The following SLC45A1 variants were observed in gnomAD, a reference collection of about 807,000 sequenced individuals.
SLC45A1 encodes solute carrier family 45 member 1, also known as proton-associated sugar transporter A.
In SLC45A1, 28 loss-of-function variants were observed where a neutral mutation model predicts 57.6. The observed-to-expected ratio is 0.49, with a 90% CI of 0.36 to 0.67. SLC45A1 has a LOEUF of 0.67. SLC45A1 is among the 30% of genes least tolerant of loss of function. The probability of loss-of-function intolerance (pLI) is 0.00; values close to 1 mark genes in which losing one functional copy is unlikely to be tolerated. For missense variants in SLC45A1, 814 were observed against 1,041.5 expected, an observed-to-expected ratio of 0.78 and a Z score of 3.01; for synonymous variants, 459 against 471.5, an observed-to-expected ratio of 0.97 and a Z score of 0.34.
At chr1:8,338,578 G>A (rs189668669) in intron 7 of SLC45A1, among the ~76,000 whole-genome samples, 22 of 152,270 alleles carry the variant, frequency 1.4e-4, no homozygotes, top group African/African-American at 4.8e-4. Flanking sequence ...TACTTTTTTC[G>A]CAAAAGGCCA....
At chr1:8,320,675 CTGTT>C (rs1262440751) in intron 1 of SLC45A1, among the ~76,000 whole-genome samples, 4 of 125,350 alleles carry the variant, frequency 3.2e-5, no homozygotes, top group African/African-American at 6.0e-5. Flanking sequence ...CTCTCTCTCT[CTGTT>C]TCTCTCTCTC....
In SLC45A1 at chr1:8,330,873, G is replaced by A. The variant is rs937355657; in HGVS notation, c.1380G>A (p.Pro460=). The A allele has an allele frequency of 8.1e-6, 13 of 1,607,070 alleles. No individual in the cohort carries two copies. The highest frequency in any genetic ancestry group is 6.7e-5 in the East Asian group (3 of 44,772). ...ILKRPQTLAI[P]DAAGGGGPET... is the part of the protein sequence containing the mutation. ...AGAGACCTCAGACCTTGGCCATCCC[G>A]GACGCAGCCGGAGGAGGGGGTCCCG... Residue 460 remains proline (P), a synonymous_variant, in exon 5 of 9, where the codon CCG becomes CCA. Transcript: ENST00000471889. This position sits in a 1 kb window ranked among gnomAD's most constrained non-coding sequence, Gnocchi z 8.4.
In SLC45A1 at chr1:8,343,986, G is replaced by A; in HGVS notation, c.2220G>A (p.Glu740=). The A allele has an allele frequency of 6.2e-7, 1 of 1,611,672 alleles. No homozygotes were observed. Among genetic ancestry groups the A allele is most frequent in the Non-Finnish European group, 8.5e-7 (1 of 1,178,478 alleles). Residue 740 remains glutamate, a synonymous_variant, in exon 9 of 9, where the codon GAG becomes GAA. Coordinates refer to ENST00000471889, the MANE Select transcript of SLC45A1 (RefSeq NM_001080397.3). This position sits in a 1 kb window ranked among gnomAD's most constrained non-coding sequence, Gnocchi z 7.7. ...EIPPSDAADE[E]HRPLLLNV ...CTCCCAGCGACGCTGCAGACGAGGAGCACCGGCCCCTCCTGCTGAACGTCT... is the reference window on the plus strand; with the variant it reads ...CTCCCAGCGACGCTGCAGACGAGGAACACCGGCCCCTCCTGCTGAACGTCT...
intron 1 of SLC45A1, among the ~76,000 whole-genome samples, chr1:8,319,706 A>T (rs1639939925): frequency 6.6e-6 from 1 of 151,938 alleles, no homozygotes; most frequent in Non-Finnish European, 1.5e-5. Context: ...TTAAAAATGG[A>T]TTTTTGTTGT....
At position 8,344,024 on chromosome 1, in the gene SLC45A1, C is replaced by A. The variant is rs1189911888; in HGVS notation, c.*11C>A. 1 of 1,599,922 alleles carries A rather than the reference C, an allele frequency of 6.3e-7. No individual in the cohort carries two copies. Among genetic ancestry groups the A allele is most frequent in the South Asian group, 1.1e-5 (1 of 90,058 alleles). On this transcript the variant is annotated 3_prime_UTR_variant, in exon 9 of 9. Coordinates refer to ENST00000471889, the MANE Select transcript of SLC45A1 (RefSeq NM_001080397.3). Reference sequence around the variant, plus strand: ...CTGCTGAACGTCTGACATCGCGGAGCCTCGACTCCGGACACGCGCCTGCAC... The same window carrying A: ...CTGCTGAACGTCTGACATCGCGGAGACTCGACTCCGGACACGCGCCTGCAC...
chr1:8,326,777 G>A lies in SLC45A1; in HGVS notation c.715+735G>A, dbSNP rs750265615. ...GTGGATCACCTGAGGTCGGGAGTTC[G>A]AGACCAGCCTGACCAACATGGAGAA... On this transcript the variant is annotated intron_variant, in intron 4 of 8. Transcript: ENST00000471889. This position sits in a 1 kb window ranked among gnomAD's most constrained non-coding sequence, Gnocchi z 5.5. Among the ~76,000 whole-genome samples, 12 of 152,130 alleles carry A rather than the reference G, an allele frequency of 7.9e-5. No homozygotes were observed. Among genetic ancestry groups the A allele is most frequent in the Non-Finnish European group, 1.3e-4 (9 of 68,016 alleles).
At position 8,330,517 on chromosome 1, in the gene SLC45A1, A is replaced by G. The variant is rs778413696; in HGVS notation, c.1024A>G (p.Ser342Gly). 1.9e-6 allele frequency: 3 copies of G among 1,613,104 alleles called. No homozygotes were observed. Among genetic ancestry groups the G allele is most frequent in the Non-Finnish European group, 8.5e-7 (1 of 1,179,920 alleles). Residue 342 changes from serine to glycine, a missense_variant, in exon 5 of 9, where the codon AGC (serine) becomes GGC (glycine). By Grantham distance (56) the Ser-to-Gly change is moderately conservative (BLOSUM62 0). Transcript: ENST00000471889. The surrounding 1 kb of genome is among the most constrained non-coding windows in gnomAD (Gnocchi z 8.4). ...CTTCTCCAGCCCCATCTCGCCGCCC[A>G]GCCCCCTCACGCCCAAGTACGGCAG... ...TNFSSPISPP[S>G]PLTPKYGSFI...
At position 8,343,855 on chromosome 1, in the gene SLC45A1, C is replaced by A. The variant is rs1301472520; in HGVS notation, c.2089C>A (p.Pro697Thr). Residue 697 changes from proline to threonine, a missense_variant, in exon 9 of 9, where the codon CCC becomes ACC. Physicochemically the swap from Pro to Thr is conservative, Grantham distance 38. Transcript: ENST00000471889. This position sits in a 1 kb window ranked among gnomAD's most constrained non-coding sequence, Gnocchi z 7.7. Reference protein sequence around the residue: ...AQILVSLVLGPLTSAVGSANG... With the variant: ...AQILVSLVLGTLTSAVGSANG... ...GATTCTGGTCTCCCTGGTCCTGGGG[C>A]CCCTGACCTCGGCCGTGGGCAGTGC... 3 of 1,614,198 alleles carry A rather than the reference C, an allele frequency of 1.9e-6. No homozygotes were observed.
chr1:8,339,424 T>C, intron 7 of SLC45A1, 69 bp from the exon 8 acceptor site: 1 of 1,496,278 alleles, frequency 6.7e-7, no homozygotes, highest in Admixed American at 1.7e-5. Context: ...CGCCGGGAGG[T>C]GGCACTGGAA....
intron 1 of SLC45A1, among the ~76,000 whole-genome samples, chr1:8,322,019 ATGGATGGATGGGTGAGTGGG>A (rs1557557333): frequency 8.3e-5 from 3 of 36,050 alleles, no homozygotes; most frequent in African/African-American, 2.4e-4. Context: ...GGATGGATGG[ATGGATGGATGGGTGAGTGGG>A]TGGGTGGGTG....
Position 8,325,240 on chromosome 1 carries a change from C to T in SLC45A1, c.398-58C>T, listed in dbSNP as rs1279846110. 5.4e-6 allele frequency: 6 copies of T among 1,101,628 alleles called. No homozygotes were observed. Among genetic ancestry groups the T allele is most frequent in the Non-Finnish European group, 8.3e-6 (6 of 722,684 alleles). 68.2% of individuals were successfully genotyped at this position (1,101,628 alleles called of 1,614,324 possible). The stretch of plus-strand genomic sequence containing the variant: ...CACTTCAGGAATGTGGAGGCTGATT[C>T]GATGTCCCCATGTGCCATGGGGACC... On this transcript the variant is annotated intron_variant, in intron 2 of 8. Transcript: ENST00000471889. This position sits in a 1 kb window ranked among gnomAD's most constrained non-coding sequence, Gnocchi z 6.3.
rs1361091981 is a variant in SLC45A1 at position 8,325,896 on chromosome 1, A to C, written c.569A>C (p.Lys190Thr). The C allele has an allele frequency of 3.1e-6, 5 of 1,613,974 alleles. No individual in the cohort carries two copies. In the Admixed American group the frequency reaches 8.3e-5, roughly 27 times the overall value. ...CTGGCTGACGTGACCGGGAACCACAAGTGGGGCCTGCTGCTGACCGTGTGC... is the reference window on the plus strand; with the variant it reads ...CTGGCTGACGTGACCGGGAACCACACGTGGGGCCTGCTGCTGACCGTGTGC... ...IALADVTGNH[K>T]WGLLLTVCGV... Residue 190 changes from lysine to threonine, a missense_variant, in exon 4 of 9, where the codon AAG becomes ACG. Coordinates refer to ENST00000471889, the MANE Select transcript of SLC45A1 (RefSeq NM_001080397.3). The surrounding 1 kb of genome is among the most constrained non-coding windows in gnomAD (Gnocchi z 6.3).
At chr1:8,321,953 G>A (rs1640021351) in intron 1 of SLC45A1, among the ~76,000 whole-genome samples, 1 of 140,176 alleles carries the variant, frequency 7.1e-6, no homozygotes, top group African/African-American at 2.7e-5. Context: ...GTGGATGGGT[G>A]GGCAAGTGGA....
Position 8,335,392 on chromosome 1 carries a change from A to G in SLC45A1, c.1444-45A>G. 2 of 1,539,522 alleles carry G rather than the reference A, an allele frequency of 1.3e-6. No individual in the cohort carries two copies. The highest frequency in any genetic ancestry group is 1.7e-6 in the Non-Finnish European group (2 of 1,146,814). ...AGCAGAGCAGGGTCTGCGCTGTGTG[A>G]TGGGGGTGCGGGGCTCTGATGAGGG... On this transcript the variant is annotated intron_variant, in intron 5 of 8. Coordinates refer to ENST00000471889, the MANE Select transcript of SLC45A1 (RefSeq NM_001080397.3). The surrounding 1 kb of genome is among the most constrained non-coding windows in gnomAD (Gnocchi z 4.1).
At position 8,337,943 on chromosome 1, in the gene SLC45A1, G is replaced by A; in HGVS notation, c.1725G>A (p.Met575Ile). ...AGAAGTACAACAGCGGCGTGACCAT[G>A]GGCTGCTGGGGCATGTGTATCTACG... ...AYQKYNSGVT[M>I]GCWGMCIYAF... Residue 575 changes from methionine (M) to isoleucine (I), a missense_variant, in exon 7 of 9, where the codon ATG becomes ATA. Physicochemically the swap from Met to Ile is conservative, Grantham distance 10. Transcript: ENST00000471889. 2 of 1,614,174 alleles carry A rather than the reference G, an allele frequency of 1.2e-6. No homozygotes were observed. Among genetic ancestry groups the A allele is most frequent in the East Asian group, 2.2e-5 (1 of 44,872 alleles).
At chr1:8,334,242 TCC>T (rs1640526178) in intron 5 of SLC45A1, among the ~76,000 whole-genome samples, 3 of 152,232 alleles carry the variant, frequency 2.0e-5, no homozygotes, top group African/African-American at 4.8e-5. Context: ...TATAAACGCA[TCC>T]AGGCTCAACG....
At chr1:8,320,544 T>C (rs1020010411) in intron 1 of SLC45A1, among the ~76,000 whole-genome samples, 1 of 152,014 alleles carries the variant, frequency 6.6e-6, no homozygotes, top group African/African-American at 2.4e-5. Flanking sequence ...TTTGGGAGGC[T>C]GAGGTGAGAG....
rs1288705716 is a variant in SLC45A1 at position 8,335,805 on chromosome 1, G to T, written c.1597+215G>T. On this transcript the variant is annotated intron_variant, in intron 6 of 8. Transcript: ENST00000471889. This position sits in a 1 kb window ranked among gnomAD's most constrained non-coding sequence, Gnocchi z 4.1. ...CCTGCATAGCCCCAAACTAAACCAG[G>T]TGTCACCATTGAGAGCCACATAGCT... 2.0e-5 allele frequency among the ~76,000 whole-genome samples: 3 copies of T among 152,090 alleles called. No homozygotes were observed. Among genetic ancestry groups the T allele is most frequent in the Non-Finnish European group, 1.5e-5 (1 of 68,008 alleles).
chr1:8,338,007 C>A lies in SLC45A1; in HGVS notation c.1774+15C>A, dbSNP rs751342096. On this transcript the variant is annotated intron_variant, in intron 7 of 8. Transcript: ENST00000471889. ...CTTCTACTCAGGTACCCGCTGCCAG[C>A]CAGGCTGGCACGGCAGTGAGAGCTT... is the stretch of plus-strand genomic sequence containing the variant. 1.2e-6 allele frequency: 2 copies of A among 1,610,912 alleles called. No homozygotes were observed. The highest frequency in any genetic ancestry group is 1.7e-6 in the Non-Finnish European group (2 of 1,178,562).
Sources: gnomAD v4.1 joint callset for allele counts (sites outside exome capture counted in the v4.1 genomes callset) on GRCh38, gnomAD v4.1.1 for gene constraint, Gnocchi (gnomAD v3.1) non-coding constraint, MANE v1.5 for transcripts, NCBI Gene and HGNC (gene_info 2026-07-23, HGNC 2026-07-21) for gene names.